The following KCNJ10 variants were observed in gnomAD, a reference collection of about 807,000 sequenced individuals.
KCNJ10 encodes ATP-sensitive inward rectifier potassium channel 10.
KCNJ10 carries 9 observed loss-of-function variants against 22.2 expected under a neutral mutation model. The ratio of observed to expected loss-of-function variants is 0.40; its 90% confidence interval spans 0.24 to 0.71. The LOEUF is 0.71. KCNJ10 is among the 30% of genes least tolerant of loss of function. The pLI, the probability that KCNJ10 is intolerant of heterozygous loss-of-function variation, is 0.35. For missense variants in KCNJ10, 337 were observed against 482.7 expected (o/e 0.70, Z 2.83); for synonymous variants, 184 against 187.3 (o/e 0.98, Z 0.15).
At chr1:160,069,653 T>C (rs538726337) in intron 1 of KCNJ10, among the ~76,000 whole-genome samples, 1 of 152,024 alleles carries the variant, frequency 6.6e-6, no homozygotes, top group African/African-American at 2.4e-5. Context: ...CCTGTCCATA[T>C]GGGGAGGAGG....
chr1:160,043,604 TC>T (rs1170200028), intron 1 of KCNJ10, among the ~76,000 whole-genome samples: 11 of 152,186 alleles, frequency 7.2e-5, no homozygotes, highest in African/African-American at 2.7e-4. Context: ...TGTTAAAACT[TC>T]CTGGAAGCAC....
chr1:160,061,885 C>T (rs182887945), intron 1 of KCNJ10, among the ~76,000 whole-genome samples: 31 of 151,848 alleles, frequency 2.0e-4, no homozygotes, highest in Admixed American at 9.2e-4. Context: ...TGTTGGGAGC[C>T]GTGTGTGGGG....
intron 1 of KCNJ10, among the ~76,000 whole-genome samples, chr1:160,065,609 G>A (rs563158697): frequency 6.6e-6 from 1 of 152,336 alleles, no homozygotes; most frequent in South Asian, 2.1e-4. Context: ...GCCTTTGTGA[G>A]GGTCCAGAGT....
chr1:160,052,177 A>G (rs943972903), intron 1 of KCNJ10, among the ~76,000 whole-genome samples: 1 of 152,196 alleles, frequency 6.6e-6, no homozygotes, highest in African/African-American at 2.4e-5. Context: ...TGGAAATGAG[A>G]TCAGAAAGGG....
At chr1:160,059,678 T>A (rs1649137411) in intron 1 of KCNJ10, among the ~76,000 whole-genome samples, 1 of 152,182 alleles carries the variant, frequency 6.6e-6, no homozygotes. Flanking sequence ...GGAGGAGACA[T>A]TCAGCAATGC....
chr1:160,047,565 G>A lies in KCNJ10; in HGVS notation c.1-5033C>T, dbSNP rs147067706. 1.9e-4 allele frequency among the ~76,000 whole-genome samples: 29 copies of A among 152,154 alleles called. No individual in the cohort carries two copies. In the East Asian group the frequency reaches 2.3e-3, roughly 12 times the overall value. ...ACCTGCTTCTGCACTGCCCTGCTCC[G>A]TGCCTACCTGATGATCTCCTTATCT... On this transcript the variant is annotated intron_variant, in intron 1 of 1. Transcript: ENST00000644903.
chr1:160,047,136 TTACTTGAGAGTCATTTGTTC>T (rs1318878113), intron 1 of KCNJ10, among the ~76,000 whole-genome samples: 1 of 152,236 alleles, frequency 6.6e-6, no homozygotes, highest in Non-Finnish European at 1.5e-5. Flanking sequence ...CTCATTTATT[TTACTTGAGAGTCATTTGTTC>T]TACTTGAGAG....
At chr1:160,054,967 T>A (rs1360628871) in intron 1 of KCNJ10, among the ~76,000 whole-genome samples, 1 of 152,176 alleles carries the variant, frequency 6.6e-6, no homozygotes, top group Non-Finnish European at 1.5e-5. Flanking sequence ...CTCCACCCCA[T>A]GCGGAAGACT....
intron 1 of KCNJ10, among the ~76,000 whole-genome samples, chr1:160,066,799 C>T (rs1481769011): frequency 1.3e-5 from 2 of 152,162 alleles, no homozygotes; most frequent in African/African-American, 2.4e-5. Context: ...CATCACTCCT[C>T]TCGGAAGCTT....
At chr1:160,065,560 G>A (rs1414257846) in intron 1 of KCNJ10, among the ~76,000 whole-genome samples, 2 of 152,188 alleles carry the variant, frequency 1.3e-5, no homozygotes. Flanking sequence ...GAGGGAAACA[G>A]GAGAATAGAG....
rs115716559 is a variant in KCNJ10 at position 160,047,504 on chromosome 1, C to T, written c.1-4972G>A. Reference sequence around the variant, plus strand: ...CTTTCACAGGCCCCCTGAACTCCAACGCAGAGCCTCACTACCCAATCCTTT... The same window carrying T: ...CTTTCACAGGCCCCCTGAACTCCAATGCAGAGCCTCACTACCCAATCCTTT... On this transcript the variant is annotated intron_variant, in intron 1 of 1. Coordinates refer to ENST00000644903, the MANE Select transcript of KCNJ10 (RefSeq NM_002241.5). Among the ~76,000 whole-genome samples the T allele has an allele frequency of 4.7e-3, 723 of 152,266 alleles. 8 individuals are homozygous for T. Among genetic ancestry groups the T allele is most frequent in the African/African-American group, 0.016 (677 of 41,544 alleles).
At chr1:160,042,861 C>T (rs780977520) in intron 1 of KCNJ10, among the ~76,000 whole-genome samples, 19 of 150,246 alleles carry the variant, frequency 1.3e-4, no homozygotes, top group Non-Finnish European at 2.4e-4. Context: ...CGCTTGAACC[C>T]GGGAGACAGA....
intron 1 of KCNJ10, among the ~76,000 whole-genome samples, chr1:160,058,689 T>C (rs944132727): frequency 6.6e-6 from 1 of 151,998 alleles, no homozygotes; most frequent in African/African-American, 2.4e-5. Flanking sequence ...TCCCTAGAAT[T>C]ACTGGTGGAA....
intron 1 of KCNJ10, among the ~76,000 whole-genome samples, chr1:160,052,564 A>C (rs1396392393): frequency 6.6e-6 from 1 of 152,236 alleles, no homozygotes; most frequent in East Asian, 1.9e-4. Context: ...TATCTTAGAC[A>C]GTTGAGCTAG....
At chr1:160,043,761 A>G (rs1648673815) in intron 1 of KCNJ10, among the ~76,000 whole-genome samples, 1 of 152,250 alleles carries the variant, frequency 6.6e-6, no homozygotes, top group East Asian at 1.9e-4. Context: ...ATTTGTTCTG[A>G]TAGCAGAAAG....
intron 1 of KCNJ10, among the ~76,000 whole-genome samples, chr1:160,060,835 C>T (rs1303083903): frequency 3.3e-5 from 5 of 152,248 alleles, no homozygotes; most frequent in Non-Finnish European, 5.9e-5. Context: ...ACTGGAAAGG[C>T]CAGTACTAGG....
intron 1 of KCNJ10, among the ~76,000 whole-genome samples, chr1:160,059,898 A>C (rs976451901): frequency 2.0e-5 from 3 of 152,162 alleles, no homozygotes; most frequent in Non-Finnish European, 2.9e-5. Flanking sequence ...CTTCCAGTTA[A>C]GTCAAAATTT....
At chr1:160,058,172 T>C (rs189956805) in intron 1 of KCNJ10, among the ~76,000 whole-genome samples, 25 of 152,350 alleles carry the variant, frequency 1.6e-4, no homozygotes, top group Non-Finnish European at 2.9e-5. Flanking sequence ...CTTTTCCTCC[T>C]TCAGGCCCCC....
intron 1 of KCNJ10, among the ~76,000 whole-genome samples, chr1:160,060,153 A>C (rs927459095): frequency 6.6e-6 from 1 of 151,960 alleles, no homozygotes. Context: ...CCCCCTCTCA[A>C]CTTTTTACTT....
Sources: allele counts gnomAD v4.1 joint callset (sites outside exome capture counted in the v4.1 genomes callset), GRCh38; gene constraint gnomAD v4.1.1; transcripts MANE v1.5; gene names NCBI Gene and HGNC (gene_info 2026-07-23, HGNC 2026-07-21).